DPH6: variants seen among roughly 807,000 people sequenced by gnomAD.
DPH6 encodes the protein diphthamine biosynthesis 6, also known as diphthine--ammonia ligase.
In DPH6, 33 loss-of-function variants were observed where a neutral mutation model predicts 38.2. The ratio of observed to expected loss-of-function variants is 0.86; its 90% CI spans 0.65 to 1.15. DPH6 has a LOEUF of 1.15. DPH6 is among the 50% of genes most tolerant of loss of function. DPH6 has a pLI of 0.00. For synonymous variants in DPH6, 108 were observed against 103.0 expected, an observed-to-expected ratio of 1.05 and a Z score of -0.30; for missense variants, 325 against 320.0, an observed-to-expected ratio of 1.02 and a Z score of -0.12.
the DPH6 span, among the ~76,000 whole-genome samples, chr15:35,212,217 G>T: frequency 6.6e-6 from 1 of 152,016 alleles, no homozygotes; most frequent in Non-Finnish European, 1.5e-5. Flanking sequence ...GGAAACTGTG[G>T]ACCACTTTTT....
At chr15:35,419,014 C>T (rs73378759) in intron 5 of DPH6, among the ~76,000 whole-genome samples, 46,425 of 151,316 alleles carry the variant, frequency 0.31, 7,863 homozygotes, top group African/African-American at 0.46. Context: ...GATAAATCCA[C>T]TGGATACAAG....
At chr15:35,521,617 C>CA (rs1239453888) in intron 3 of DPH6, 49 of 1,228,290 alleles carry the variant, frequency 4.0e-5, no homozygotes, top group African/African-American at 1.6e-4. Context: ...AGGATGACTA[C>CA]AAAAAAAATC....
chr15:35,352,274 A>G (rs2052519536), intron 3 of DPH6, among the ~76,000 whole-genome samples: 1 of 151,614 alleles, frequency 6.6e-6, no homozygotes, highest in Non-Finnish European at 1.5e-5. Flanking sequence ...AGTGATAATG[A>G]ACTCCTTCAA....
chr15:35,436,315 A>C (rs1233414554), intron 5 of DPH6, among the ~76,000 whole-genome samples: 1 of 150,760 alleles, frequency 6.6e-6, no homozygotes, highest in East Asian at 2.0e-4. Context: ...AAATACAAAA[A>C]ATTAGCTGGG....
At chr15:35,381,552 T>C (rs1017544169) in intron 7 of DPH6, among the ~76,000 whole-genome samples, 6 of 152,308 alleles carry the variant, frequency 3.9e-5, no homozygotes, top group Admixed American at 3.9e-4. Context: ...AGTGTCGGTG[T>C]GTAGGTACCA....
chr15:35,301,640 C>T (rs770107805), intron 3 of DPH6, among the ~76,000 whole-genome samples: 13 of 152,060 alleles, frequency 8.5e-5, no homozygotes, highest in Non-Finnish European at 1.6e-4. Flanking sequence ...ATCATCTATA[C>T]ATTAAAAGAA....
chr15:35,378,767 T>C (rs767628354), intron 7 of DPH6, among the ~76,000 whole-genome samples: 2 of 150,014 alleles, frequency 1.3e-5, no homozygotes, highest in African/African-American at 2.5e-5. Flanking sequence ...CAAGTGGGAG[T>C]TGAACAATGA....
intron 3 of DPH6, among the ~76,000 whole-genome samples, chr15:35,493,989 C>T (rs1253164507): frequency 6.6e-6 from 1 of 152,114 alleles, no homozygotes; most frequent in Non-Finnish European, 1.5e-5. Flanking sequence ...CTGGAACCAA[C>T]TGCCCAGATT....
At chr15:35,216,287 T>C (rs541242683), downstream of DPH6, among the ~76,000 whole-genome samples, 2 of 152,358 alleles carry the variant, frequency 1.3e-5, no homozygotes, top group African/African-American at 4.8e-5. Flanking sequence ...ATCTCTAATG[T>C]TGAATCATTT....
intron 3 of DPH6, among the ~76,000 whole-genome samples, chr15:35,500,622 ATT>A (rs2054613878): frequency 6.6e-6 from 1 of 152,166 alleles, no homozygotes; most frequent in Admixed American, 6.5e-5. Context: ...TTATTTATTC[ATT>A]TGACAAATAA....
chr15:35,371,467 G>T lies in DPH6; in HGVS notation c.*683C>A. The T allele has an allele frequency of 1.7e-6, 1 of 580,870 alleles. No homozygotes were observed. The highest frequency in any genetic ancestry group is 2.2e-6 in the Non-Finnish European group (1 of 461,046). The allele number at this position is 580,870 out of a possible 1,614,324, so 36.0% of individuals were successfully genotyped here. A position where few individuals can be genotyped will look rare whatever the true frequency, so the allele number is the denominator to read the frequency against. On this transcript the variant is annotated 3_prime_UTR_variant, in exon 9 of 9. Coordinates refer to ENST00000256538, the MANE Select transcript of DPH6 (RefSeq NM_080650.4). Reference sequence around the variant, plus strand: ...GAATGTGTGGAGGTAGAGGGTATATGGGAAATCTCTGCATTTTCTGCTCCA... The same window carrying T: ...GAATGTGTGGAGGTAGAGGGTATATTGGAAATCTCTGCATTTTCTGCTCCA...
At chr15:35,341,246 A>C (rs2052419238) in intron 3 of DPH6, among the ~76,000 whole-genome samples, 1 of 152,118 alleles carries the variant, frequency 6.6e-6, no homozygotes, top group Admixed American at 6.6e-5. Context: ...TCCTCTCCAG[A>C]ATGGCTATTC....
intron 3 of DPH6, among the ~76,000 whole-genome samples, chr15:35,505,409 G>C (rs1477846193): frequency 2.0e-5 from 3 of 152,054 alleles, no homozygotes; most frequent in Non-Finnish European, 4.4e-5. Context: ...ACAGAAGAGA[G>C]TAATGATGAA....
At chr15:35,483,844 A>G (rs1022809850) in intron 3 of DPH6, among the ~76,000 whole-genome samples, 1 of 152,238 alleles carries the variant, frequency 6.6e-6, no homozygotes, top group Non-Finnish European at 1.5e-5. Flanking sequence ...ATAGAATACT[A>G]TTCAGCAATA....
At chr15:35,300,327 A>G (rs2052046210) in intron 3 of DPH6, among the ~76,000 whole-genome samples, 1 of 152,324 alleles carries the variant, frequency 6.6e-6, no homozygotes, top group African/African-American at 2.4e-5. Context: ...TTAAAAGATC[A>G]TTTTGAGTAC....
chr15:35,251,584 C>T lies in DPH6; in HGVS notation n.201-31002G>A, dbSNP rs113096287. ...AATCCACCACACCTGTGTACCACAT[C>T]CCCTTGCCACATCCAAGATCCTACA... On this transcript the variant is annotated intron_variant and non_coding_transcript_variant, in intron 3 of 3. Transcript: ENST00000560386. Among the ~76,000 whole-genome samples the T allele has an allele frequency of 5.4e-3, 815 of 152,286 alleles. 5 individuals are homozygous for T. Among genetic ancestry groups the T allele is most frequent in the Admixed American group, 0.012 (179 of 15,292 alleles).
At chr15:35,420,726 A>G (rs1309923321) in intron 5 of DPH6, among the ~76,000 whole-genome samples, 5 of 152,052 alleles carry the variant, frequency 3.3e-5, no homozygotes, top group Non-Finnish European at 7.4e-5. Flanking sequence ...CGTATTGGCC[A>G]GGCTGGTCGC....
chr15:35,272,051 CCTT>C (rs1231875630), intron 3 of DPH6, among the ~76,000 whole-genome samples: 2 of 152,092 alleles, frequency 1.3e-5, no homozygotes, highest in African/African-American at 2.4e-5. Context: ...ATGCAGTTCA[CCTT>C]CTGTATCCAT....
intron 5 of DPH6, among the ~76,000 whole-genome samples, chr15:35,430,227 C>T (rs889485150): frequency 2.0e-5 from 3 of 152,080 alleles, no homozygotes; most frequent in African/African-American, 7.2e-5. Flanking sequence ...AATAATTGCA[C>T]ACTATCAGCA....
Sources: gnomAD v4.1 joint callset for allele counts (sites outside exome capture counted in the v4.1 genomes callset) on GRCh38, gnomAD v4.1.1 for gene constraint, MANE v1.5 for transcripts, NCBI Gene and HGNC (gene_info 2026-07-23, HGNC 2026-07-21) for gene names.